TERT: variants seen among roughly 807,000 people sequenced by gnomAD.
TERT encodes the protein telomerase reverse transcriptase, also known as telomerase catalytic subunit.
In TERT, 42 loss-of-function variants were observed where a neutral mutation model predicts 104.0. The ratio of observed to expected loss-of-function variants is 0.40; its 90% CI spans 0.32 to 0.52. The LOEUF (loss-of-function observed/expected upper bound fraction) is 0.52, where lower values mean the gene tolerates loss of function less well. TERT is among the 20% of genes least tolerant of loss of function. TERT has a pLI of 0.43. For synonymous variants in TERT, 781 were observed against 725.6 expected (o/e 1.08, Z -1.23); for missense variants, 1,101 against 1,610.3 (o/e 0.68, Z 5.41).
Position 1,288,808 on chromosome 5 carries a change from G to A in TERT, c.1573+4505C>T, listed in dbSNP as rs955653180. ...AGCATGCATGTGGCGGGCACGTGGTGAGCAAGCCAGGCCCAACAGAGGCAA... is the reference window on the plus strand; with the variant it reads ...AGCATGCATGTGGCGGGCACGTGGTAAGCAAGCCAGGCCCAACAGAGGCAA... On this transcript the variant is annotated intron_variant, in intron 2 of 15. Coordinates refer to ENST00000310581, the MANE Select transcript of TERT (RefSeq NM_198253.3). The surrounding 1 kb of genome is among the most constrained non-coding windows in gnomAD (Gnocchi z 5.3). Among the ~76,000 whole-genome samples the A allele has an allele frequency of 6.6e-6, 1 of 152,186 alleles. No individual in the cohort carries two copies. The highest frequency in any genetic ancestry group is 1.5e-5 in the Non-Finnish European group (1 of 68,028).
chr5:1,258,482 T>C, intron 13 of TERT, 116 bp downstream of exon 13: 1 of 927,142 alleles, frequency 1.1e-6, no homozygotes, highest in Non-Finnish European at 1.7e-6. Flanking sequence ...ACTGAAAACG[T>C]AAGACATTCC....
chr5:1,271,924 T>A (rs1311439649), intron 7 of TERT, among the ~76,000 whole-genome samples: 1 of 152,094 alleles, frequency 6.6e-6, no homozygotes, highest in Non-Finnish European at 1.5e-5. Flanking sequence ...ATTTAGCAAA[T>A]CATGAACAAA....
chr5:1,264,232 G>A, intron 11 of TERT, 172 bp downstream of exon 11: 1 of 675,544 alleles, frequency 1.5e-6, no homozygotes, highest in Non-Finnish European at 2.6e-6. Context: ...CACTCCCACA[G>A]AAAGATGCAT....
intron 15 of TERT, 110 bp downstream of exon 15, chr5:1,254,258 C>T: frequency 6.7e-7 from 1 of 1,502,866 alleles, no homozygotes; most frequent in Non-Finnish European, 9.2e-7. Context: ...CAGGGTCAGG[C>T]CCGGGGGCGT....
At chr5:1,260,631 G>T in intron 11 of TERT, 31 bp from the exon 12 acceptor site, 1 of 1,612,550 alleles carries the variant, frequency 6.2e-7, no homozygotes, top group Non-Finnish European at 8.5e-7. Flanking sequence ...TCAGACACAG[G>T]TGCCTGCCCC....
rs758561541 is a variant in TERT at position 1,266,472 on chromosome 5, G to T, written c.2646C>A (p.Thr882=). 4 of 1,608,920 alleles carry T rather than the reference G, an allele frequency of 2.5e-6. No individual in the cohort carries two copies. In the African/African-American group the frequency reaches 5.3e-5, roughly 21 times the overall value. ...CACGGCACGGGCCTCACCTGAGGAA[G>T]GTTTTCGCGTGGGTGAGGTGAGGTG... is the stretch of plus-strand genomic sequence containing the variant. ...LVTPHLTHAK[T]FLRTLVRGVP... is the part of the protein sequence containing the mutation. Residue 882 remains threonine (T), a synonymous_variant, in exon 10 of 16, where the codon ACC becomes ACA. Transcript: ENST00000310581.
intron 7 of TERT, 39 bp from the exon 8 acceptor site, chr5:1,271,243 T>C (rs752434672): frequency 1.3e-6 from 2 of 1,513,080 alleles, no homozygotes; most frequent in East Asian, 4.5e-5. Context: ...AGTGAGCCGG[T>C]GGGTGCTGAG....
intron 10 of TERT, among the ~76,000 whole-genome samples, chr5:1,266,027 G>C (rs577014580): frequency 6.6e-6 from 1 of 152,172 alleles, no homozygotes; most frequent in African/African-American, 2.4e-5. Flanking sequence ...TGACCGCAGC[G>C]AACGCTGTGG....
rs757915567 is a variant in TERT at position 1,294,574 on chromosome 5, C to T, written c.312G>A (p.Leu104=). The T allele has an allele frequency of 1.3e-6, 2 of 1,588,742 alleles. No individual in the cohort carries two copies. The highest frequency in any genetic ancestry group is 1.1e-5 in the South Asian group (1 of 89,600). The change falls in exon 2 of 16, where the codon CTG becomes CTA. Residue 104 remains leucine (L), a synonymous_variant. Transcript: ENST00000310581. ...KNVLAFGFAL[L]DGARGGPPEA... The stretch of plus-strand genomic sequence containing the variant: ...CGGGGGGGCCCCCGCGGGCCCCGTC[C>T]AGCAGCGCGAAGCCGAAGGCCAGCA...
Position 1,288,246 on chromosome 5 carries a change from T to G in TERT, c.1573+5067A>C, listed in dbSNP as rs759128128. ...ACTTGAAAGTGGCTGATGTTGAGAT[T>G]ACTTCACATCAAAACACAGGGTGCA... is the stretch of plus-strand genomic sequence containing the variant. On this transcript the variant is annotated intron_variant, in intron 2 of 15. Coordinates refer to ENST00000310581, the MANE Select transcript of TERT (RefSeq NM_198253.3). The surrounding 1 kb of genome is among the most constrained non-coding windows in gnomAD (Gnocchi z 5.3). Among the ~76,000 whole-genome samples the G allele has an allele frequency of 1.3e-5, 2 of 152,116 alleles. No homozygotes were observed. The highest frequency in any genetic ancestry group is 2.4e-5 in the African/African-American group (1 of 41,444).
At position 1,287,508 on chromosome 5, in the gene TERT, A is replaced by AAAT. The variant is rs1554041994; in HGVS notation, c.1574-4885_1574-4884insATT. Among the ~76,000 whole-genome samples, 1,357 of 140,658 alleles carry AAAT rather than the reference A, an allele frequency of 9.6e-3. 19 individuals are homozygous for AAAT. Among genetic ancestry groups the AAAT allele is most frequent in the Middle Eastern group, 0.033 (9 of 272 alleles). 92.3% of individuals were successfully genotyped at this position (140,658 alleles called of 152,430 possible). A position where few individuals can be genotyped will look rare whatever the true frequency, so the allele number is the denominator to read the frequency against. ...CCAAGACTCTGTCTCAAAAAAAAAA[A>AAAT]ATATATATATATATATATAAATTAA... On this transcript the variant is annotated intron_variant, in intron 2 of 15. Transcript: ENST00000310581. This position sits in a 1 kb window ranked among gnomAD's most constrained non-coding sequence, Gnocchi z 4.3.
At chr5:1,280,899 G>A (rs1344065925) in intron 3 of TERT, among the ~76,000 whole-genome samples, 2 of 152,268 alleles carry the variant, frequency 1.3e-5, no homozygotes, top group Admixed American at 6.5e-5. Context: ...ACGGGGGCTG[G>A]AGCGGCCACA....
rs1747548937 is a variant in TERT, at chr5:1,254,244, C to A, written c.3295+124G>T. The A allele has an allele frequency of 4.5e-6, 6 of 1,339,410 alleles. No individual in the cohort carries two copies. The South Asian group carries it at 6.0e-5, about 13-fold the overall frequency. 83.0% of individuals were successfully genotyped at this position (1,339,410 alleles called of 1,614,324 possible). ...ATAGGGCTGCCAGCGTGGCTCCAGG[C>A]CCCCAGGGTCAGGCCCGGGGGCGTC... is the stretch of plus-strand genomic sequence containing the variant. On this transcript the variant is annotated intron_variant, in intron 15 of 15. Transcript: ENST00000310581.
Position 1,253,181 on chromosome 5 carries a change from G to T in TERT, c.*547C>A, listed in dbSNP as rs528223152. 2 of 251,136 alleles carry T rather than the reference G, an allele frequency of 8.0e-6. No individual in the cohort carries two copies. The highest frequency in any genetic ancestry group is 1.6e-5 in the Non-Finnish European group (2 of 128,720). 15.6% of individuals were successfully genotyped at this position (251,136 alleles called of 1,614,324 possible). On this transcript the variant is annotated 3_prime_UTR_variant, in exon 16 of 16. Coordinates refer to ENST00000310581, the MANE Select transcript of TERT (RefSeq NM_198253.3). Reference sequence around the variant, plus strand: ...CAAACATGAGATTTTTTTCAAAACTGAAAAACTCATATATTCAGTATTTTA... The same window carrying T: ...CAAACATGAGATTTTTTTCAAAACTTAAAAACTCATATATTCAGTATTTTA...
At position 1,257,703 on chromosome 5, in the gene TERT, T is replaced by C. The variant is rs1467698900; in HGVS notation, c.3032+895A>G. Among the ~76,000 whole-genome samples, 1 of 152,230 alleles carries C rather than the reference T, an allele frequency of 6.6e-6. No individual in the cohort carries two copies. Among genetic ancestry groups the C allele is most frequent in the East Asian group, 1.9e-4 (1 of 5,186 alleles). ...AAAAACCATTTTCATGGTACGACCT[T>C]GTAATGGAAAACTCTCCCGTGAGCC... On this transcript the variant is annotated intron_variant, in intron 13 of 15. Coordinates refer to ENST00000310581, the MANE Select transcript of TERT (RefSeq NM_198253.3). The surrounding 1 kb of genome is among the most constrained non-coding windows in gnomAD (Gnocchi z 5.6).
rs1561203201 is a variant in TERT, at chr5:1,279,401, CG to C, written c.2019del (p.Gly674AlafsTer40). ...CCCAGCACAGAGGCGCCCAGGAGGC[CG>C]GGGCGCCGCGCCCGCTCGTAGTTGA... is the stretch of plus-strand genomic sequence containing the variant. The part of the protein sequence containing the change: ...SVLNYERARR[P>X]GLLGASVLGL... On this transcript the variant is annotated frameshift_variant, in exon 5 of 16. Coordinates refer to ENST00000310581, the MANE Select transcript of TERT (RefSeq NM_198253.3). LOFTEE classifies it high-confidence loss of function. The C allele has an allele frequency of 6.5e-7, 1 of 1,530,906 alleles. No individual in the cohort carries two copies. Among genetic ancestry groups the C allele is most frequent in the Non-Finnish European group, 8.8e-7 (1 of 1,136,394 alleles). The allele number at this position is 1,530,906 out of a possible 1,614,324, so 94.8% of individuals were successfully genotyped here.
In TERT at chr5:1,274,544, G is replaced by A. The variant is rs1414056161; in HGVS notation, c.2287-2264C>T. 1.3e-5 allele frequency among the ~76,000 whole-genome samples: 2 copies of A among 152,168 alleles called. No homozygotes were observed. Among genetic ancestry groups the A allele is most frequent in the African/African-American group, 4.8e-5 (2 of 41,426 alleles). ...AAACGGTTCCACCTCAGATCATCAG[G>A]CATTAGATTCCCATAAGGAGCACAG... On this transcript the variant is annotated intron_variant, in intron 6 of 15. Coordinates refer to ENST00000310581, the MANE Select transcript of TERT (RefSeq NM_198253.3). This position sits in a 1 kb window ranked among gnomAD's most constrained non-coding sequence, Gnocchi z 5.3.
chr5:1,286,009 C>T lies in TERT; in HGVS notation c.1574-3385G>A, dbSNP rs867619927. On this transcript the variant is annotated intron_variant, in intron 2 of 15. Coordinates refer to ENST00000310581, the MANE Select transcript of TERT (RefSeq NM_198253.3). The surrounding 1 kb of genome is among the most constrained non-coding windows in gnomAD (Gnocchi z 5.3). ...CGCCAGGCAGCACCGTCAGAGCTGG[C>T]GCCACACCGCAGGTTTGCGCGATTT... Among the ~76,000 whole-genome samples the T allele has an allele frequency of 1.8e-4, 27 of 152,176 alleles. No individual in the cohort carries two copies. Among genetic ancestry groups the T allele is most frequent in the African/African-American group, 4.3e-4 (18 of 41,512 alleles).
At chr5:1,271,441 G>C (rs1198432839) in intron 7 of TERT, among the ~76,000 whole-genome samples, 1 of 152,190 alleles carries the variant, frequency 6.6e-6, no homozygotes, top group Non-Finnish European at 1.5e-5. Flanking sequence ...GGTCCAGCTG[G>C]GCTCACACCC....
Sources: allele counts gnomAD v4.1 joint callset (sites outside exome capture counted in the v4.1 genomes callset), GRCh38; gene constraint gnomAD v4.1.1; non-coding constraint Gnocchi (gnomAD v3.1); transcripts MANE v1.5; gene names NCBI Gene and HGNC (gene_info 2026-07-23, HGNC 2026-07-21).